Variants in INPP4A observed in about 807,000 individuals in gnomAD.
INPP4A encodes inositol polyphosphate-4-phosphatase, type I, 107kD.
A neutral mutation model predicts 119.8 loss-of-function variants in INPP4A; 33 were observed. That is an observed-to-expected ratio of 0.28 (90% CI 0.21 to 0.37). INPP4A has a LOEUF of 0.37. INPP4A is among the 10% of genes least tolerant of loss of function. The pLI, the probability that INPP4A is intolerant of heterozygous loss-of-function variation, is 1.00. For synonymous variants in INPP4A, 496 were observed against 500.7 expected (o/e 0.99, Z 0.12); for missense variants, 956 against 1,289.9 (o/e 0.74, Z 3.97).
chr2:98,536,285 C>T (rs1690253387), intron 7 of INPP4A, 77 bp downstream of exon 7: 1 of 872,828 alleles, frequency 1.1e-6, no homozygotes, highest in Admixed American at 2.0e-5. Flanking sequence ...GGACCCACTT[C>T]TTATACTGAG....
intron 13 of INPP4A, among the ~76,000 whole-genome samples, chr2:98,550,734 C>T (rs192930161): frequency 2.6e-5 from 4 of 152,242 alleles, no homozygotes; most frequent in African/African-American, 7.2e-5. Context: ...CTTTTCTTGC[C>T]CCTGCCATGT....
At chr2:98,545,631 G>T (rs769189699) in intron 11 of INPP4A, among the ~76,000 whole-genome samples, 14 of 152,178 alleles carry the variant, frequency 9.2e-5, no homozygotes, top group Non-Finnish European at 2.1e-4. Context: ...ACATTGTGCT[G>T]CACAGAATCA....
At chr2:98,465,627 G>T (rs1489288989) in intron 1 of INPP4A, among the ~76,000 whole-genome samples, 1 of 152,162 alleles carries the variant, frequency 6.6e-6, no homozygotes, top group Non-Finnish European at 1.5e-5. Flanking sequence ...CTGAGGCTTG[G>T]GGAGGCCTAG....
At chr2:98,533,167 A>G (rs1041262373) in intron 4 of INPP4A, among the ~76,000 whole-genome samples, 1 of 152,208 alleles carries the variant, frequency 6.6e-6, no homozygotes. Flanking sequence ...AAGTTATGAC[A>G]TTGCTGTCTT....
At chr2:98,510,264 C>T (rs1424516672) in intron 1 of INPP4A, among the ~76,000 whole-genome samples, 1 of 152,096 alleles carries the variant, frequency 6.6e-6, no homozygotes, top group Non-Finnish European at 1.5e-5. Context: ...TTATTTCTTG[C>T]CTGGAGCAAG....
chr2:98,539,434 T>A, intron 9 of INPP4A, 94 bp from the exon 10 acceptor site: 1 of 1,341,336 alleles, frequency 7.5e-7, no homozygotes, highest in South Asian at 1.4e-5. Flanking sequence ...GGACTTGAGG[T>A]GTCACCATCC....
chr2:98,485,265 T>C (rs959349353), intron 1 of INPP4A, among the ~76,000 whole-genome samples: 2 of 152,228 alleles, frequency 1.3e-5, no homozygotes, highest in African/African-American at 4.8e-5. Context: ...AAACCTGTTA[T>C]AATCATGCGG....
intron 13 of INPP4A, among the ~76,000 whole-genome samples, chr2:98,547,549 G>C (rs1692688912): frequency 6.6e-6 from 1 of 152,170 alleles, no homozygotes; most frequent in African/African-American, 2.4e-5. Flanking sequence ...CAGGAAGTGG[G>C]GGTGATGAGT....
chr2:98,515,005 C>T (rs1685835467), intron 1 of INPP4A, among the ~76,000 whole-genome samples: 2 of 152,152 alleles, frequency 1.3e-5, no homozygotes, highest in African/African-American at 4.8e-5. Flanking sequence ...TGCAGAGGTT[C>T]CCGGAGAGTG....
At chr2:98,468,030 C>G (rs1028368713) in intron 1 of INPP4A, among the ~76,000 whole-genome samples, 1 of 152,116 alleles carries the variant, frequency 6.6e-6, no homozygotes. Flanking sequence ...TCATCTTTGT[C>G]GAGTTCCACA....
intron 22 of INPP4A, among the ~76,000 whole-genome samples, 137 bp from the exon 23 acceptor site, chr2:98,572,657 GCAGCCATGTCCTATCCCCAAA>G: frequency 6.6e-6 from 1 of 152,308 alleles, no homozygotes; most frequent in South Asian, 2.1e-4. Flanking sequence ...CACCACACCA[GCAGCCATGTCCTATCCCCAAA>G]CACCTCCATC....
rs147880931 is a variant in INPP4A, at chr2:98,551,962, A to G, written c.1164-824A>G. 4.4e-3 allele frequency among the ~76,000 whole-genome samples: 669 copies of G among 152,260 alleles called. 10 individuals are homozygous for G. Among genetic ancestry groups the G allele is most frequent in the African/African-American group, 0.016 (647 of 41,544 alleles). ...CCCAACACACTGGCCAGGCCCCCAC[A>G]GCGGGAGGATGTGAAGTTGGTCTTT... is the stretch of plus-strand genomic sequence containing the variant. On this transcript the variant is annotated intron_variant, in intron 13 of 24. Transcript: ENST00000409851.
rs1468641143 is a variant in INPP4A at position 98,536,047 on chromosome 2, G to C, written c.388-82G>C. The C allele has an allele frequency of 4.5e-6, 4 of 883,406 alleles. No individual in the cohort carries two copies. The African/African-American group carries it at 6.6e-5, about 15-fold the overall frequency. 54.7% of individuals were successfully genotyped at this position (883,406 alleles called of 1,614,324 possible). On this transcript the variant is annotated intron_variant, in intron 6 of 24. Coordinates refer to ENST00000409851, the MANE Select transcript of INPP4A (RefSeq NM_001134225.2). The stretch of plus-strand genomic sequence containing the variant: ...TAAGAGGTGTTGTGGGAAGCAGTCA[G>C]CTGGACTCTCTGGGGCCATGGTAAT...
Position 98,581,808 on chromosome 2 carries a change from A to G in INPP4A, c.2786+4665A>G, listed in dbSNP as rs1006915981. On this transcript the variant is annotated intron_variant, in intron 24 of 24. Transcript: ENST00000409851. ...ACAAGAAAAACAAAAGTGCCAGAAC[A>G]TGTCCAGCCACCGTGTACCTAACTG... is the stretch of plus-strand genomic sequence containing the variant. 1.3e-5 allele frequency: 20 copies of G among 1,565,002 alleles called. No individual in the cohort carries two copies. The African/African-American group carries it at 2.0e-4, about 16-fold the overall frequency.
chr2:98,564,161 T>G (rs1042112086), intron 18 of INPP4A, among the ~76,000 whole-genome samples: 1 of 152,172 alleles, frequency 6.6e-6, no homozygotes, highest in African/African-American at 2.4e-5. Flanking sequence ...TTGGGCTGGT[T>G]CTCTACAGGT....
At chr2:98,505,232 C>G (rs1683816999) in intron 1 of INPP4A, among the ~76,000 whole-genome samples, 1 of 152,214 alleles carries the variant, frequency 6.6e-6, no homozygotes, top group South Asian at 2.1e-4. Flanking sequence ...TCTGCCCAAC[C>G]CCTCTAGGAG....
At chr2:98,579,557 C>T (rs1322817490) in intron 24 of INPP4A, among the ~76,000 whole-genome samples, 1 of 152,270 alleles carries the variant, frequency 6.6e-6, no homozygotes, top group African/African-American at 2.4e-5. Context: ...TAGCCACTCT[C>T]CTGCCCAGTG....
At chr2:98,499,699 T>G (rs909791949) in intron 1 of INPP4A, among the ~76,000 whole-genome samples, 3 of 152,234 alleles carry the variant, frequency 2.0e-5, no homozygotes, top group African/African-American at 7.2e-5. Flanking sequence ...TAGAGCAGTT[T>G]TAGTTCACAG....
chr2:98,555,121 A>G (rs1575063746), intron 15 of INPP4A, among the ~76,000 whole-genome samples: 2 of 152,210 alleles, frequency 1.3e-5, no homozygotes, highest in African/African-American at 2.4e-5. Flanking sequence ...TGTTTCTGCA[A>G]ATCACTCCCA....
Sources: gnomAD v4.1 joint callset for allele counts (sites outside exome capture counted in the v4.1 genomes callset) on GRCh38, gnomAD v4.1.1 for gene constraint, MANE v1.5 for transcripts, NCBI Gene and HGNC (gene_info 2026-07-23, HGNC 2026-07-21) for gene names.